CSGALNACT1: variants seen among roughly 807,000 people sequenced by gnomAD.
CSGALNACT1 encodes beta4GalNAcT-1.
Under a neutral mutation model 51.0 loss-of-function variants are expected in CSGALNACT1, and 52 were observed. That is an observed-to-expected ratio of 1.02 (90% CI 0.82 to 1.29). The LOEUF is 1.29. Ranked by LOEUF, CSGALNACT1 falls within the 50% of genes most tolerant of loss-of-function variation. The pLI is 0.00. For missense variants in CSGALNACT1, 935 were observed against 679.2 expected (o/e 1.38, Z -4.19); for synonymous variants, 341 against 254.4 (o/e 1.34, Z -3.24).
chr8:19,433,278 T>C (rs530799005), intron 6 of CSGALNACT1, among the ~76,000 whole-genome samples: 2 of 152,328 alleles, frequency 1.3e-5, no homozygotes, highest in African/African-American at 2.4e-5. Context: ...AGGCAATCAA[T>C]GCCTTATTTA....
At chr8:19,590,665 T>C (rs1029044334) in intron 3 of CSGALNACT1, among the ~76,000 whole-genome samples, 2 of 145,174 alleles carry the variant, frequency 1.4e-5, no homozygotes, top group African/African-American at 2.6e-5. Flanking sequence ...TTTTTTTTTT[T>C]TGGAGATGGA....
At chr8:19,543,412 A>G (rs1019776824) in intron 3 of CSGALNACT1, among the ~76,000 whole-genome samples, 1 of 152,220 alleles carries the variant, frequency 6.6e-6, no homozygotes, top group Non-Finnish European at 1.5e-5. Context: ...AAAGTTCTCT[A>G]TACGTATGTG....
intron 3 of CSGALNACT1, among the ~76,000 whole-genome samples, chr8:19,532,267 T>C (rs1402678061): frequency 6.6e-6 from 1 of 152,166 alleles, no homozygotes. Flanking sequence ...CCATGGCTTC[T>C]TTATCCAAGC....
intron 1 of CSGALNACT1, among the ~76,000 whole-genome samples, chr8:19,609,104 T>C (rs1368273614): frequency 6.6e-6 from 1 of 151,774 alleles, no homozygotes; most frequent in Non-Finnish European, 1.5e-5. Flanking sequence ...ACCATGAAAA[T>C]GAAAACTTTG....
intron 3 of CSGALNACT1, among the ~76,000 whole-genome samples, chr8:19,568,930 C>A (rs901756713): frequency 1.3e-5 from 2 of 152,152 alleles, no homozygotes; most frequent in South Asian, 2.1e-4. Flanking sequence ...AAGGCTAATT[C>A]CTTGTAGCTA....
intron 3 of CSGALNACT1, among the ~76,000 whole-genome samples, chr8:19,520,810 ATAT>A (rs781461945): frequency 6.6e-6 from 1 of 152,126 alleles, no homozygotes; most frequent in African/African-American, 2.4e-5. Context: ...GGTTCTGTTA[ATAT>A]TATAACCATT....
chr8:19,505,589 G>C (rs943436462), exon 4 of CSGALNACT1: 4 of 1,613,870 alleles, frequency 2.5e-6, no homozygotes, highest in African/African-American at 2.7e-5. Context: ...GCTCCTCCTT[G>C]AGCTGTGCGA....
At chr8:19,720,511 A>G (rs572046090) in intron 1 of CSGALNACT1, among the ~76,000 whole-genome samples, 6 of 152,212 alleles carry the variant, frequency 3.9e-5, no homozygotes, top group African/African-American at 1.4e-4. Context: ...CTGGAGAGAC[A>G]CTGTTCAATC....
chr8:19,608,108 C>G (rs12542189), intron 1 of CSGALNACT1, among the ~76,000 whole-genome samples: 1 of 151,984 alleles, frequency 6.6e-6, no homozygotes, highest in African/African-American at 2.4e-5. Flanking sequence ...TGTCACCTCT[C>G]ATTGTGGCCT....
intron 6 of CSGALNACT1, among the ~76,000 whole-genome samples, chr8:19,438,522 G>T (rs1053871853): frequency 6.6e-6 from 1 of 152,176 alleles, no homozygotes; most frequent in South Asian, 2.1e-4. Context: ...ATAGCTTTAA[G>T]TTGTTGCTGG....
At chr8:19,682,956 G>A (rs556758603), upstream of CSGALNACT1, 8 of 304,174 alleles carry the variant, frequency 2.6e-5, no homozygotes, top group South Asian at 5.7e-5. Context: ...AGTTCACTTC[G>A]CTGCAGTCCT....
chr8:19,752,141 GA>G (rs368224690), intron 1 of CSGALNACT1, among the ~76,000 whole-genome samples: 3 of 48,710 alleles, frequency 6.2e-5, no homozygotes, highest in African/African-American at 1.1e-4. Flanking sequence ...TATATTATAT[GA>G]TATTATATGA....
chr8:19,461,377 G>C (rs899762230), intron 4 of CSGALNACT1, among the ~76,000 whole-genome samples: 3 of 152,072 alleles, frequency 2.0e-5, no homozygotes, highest in African/African-American at 7.2e-5. Flanking sequence ...AAATGAGGTG[G>C]GGCTGAGTCT....
At position 19,600,843 on chromosome 8, in the gene CSGALNACT1, G is replaced by T. The variant is rs187698756; in HGVS notation, c.-416+928C>A. 5.4e-4 allele frequency among the ~76,000 whole-genome samples: 78 copies of T among 144,982 alleles called. No homozygotes were observed. In the East Asian group the frequency reaches 0.014, roughly 25 times the overall value. Reference sequence around the variant, plus strand: ...AAAAGTTTTTGGAAAAAAAAAAAAAGCAAAACCATCAAGCAAACCTCTATA... The same window carrying T: ...AAAAGTTTTTGGAAAAAAAAAAAAATCAAAACCATCAAGCAAACCTCTATA... On this transcript the variant is annotated intron_variant, in intron 2 of 9. Coordinates refer to ENST00000454498, the Ensembl canonical transcript of CSGALNACT1.
chr8:19,570,668 G>A (rs776177585), intron 3 of CSGALNACT1, among the ~76,000 whole-genome samples: 6 of 152,264 alleles, frequency 3.9e-5, no homozygotes, highest in East Asian at 1.9e-4. Flanking sequence ...TTGGGAGGCC[G>A]AAGTGGGCAG....
At chr8:19,416,941 C>T (rs2057004740) in intron 8 of CSGALNACT1, among the ~76,000 whole-genome samples, 1 of 151,984 alleles carries the variant, frequency 6.6e-6, no homozygotes, top group African/African-American at 2.4e-5. Flanking sequence ...CAGCTCACTA[C>T]AGCCTCTGCC....
At chr8:19,677,882 C>G (rs972156715) in intron 1 of CSGALNACT1, among the ~76,000 whole-genome samples, 1 of 152,040 alleles carries the variant, frequency 6.6e-6, no homozygotes, top group Non-Finnish European at 1.5e-5. Context: ...TTCAAATTGT[C>G]TGAAAAACAA....
chr8:19,469,091 A>T (rs1330852751), intron 4 of CSGALNACT1, among the ~76,000 whole-genome samples: 1 of 152,134 alleles, frequency 6.6e-6, no homozygotes, highest in Admixed American at 6.5e-5. Context: ...TAAGATAAGG[A>T]TGAAATTGGC....
intron 3 of CSGALNACT1, among the ~76,000 whole-genome samples, chr8:19,509,159 T>G (rs1410644031): frequency 6.6e-6 from 1 of 152,242 alleles, no homozygotes; most frequent in Non-Finnish European, 1.5e-5. Flanking sequence ...AAAATATCTC[T>G]GAACCGTTCC....
Sources: allele counts gnomAD v4.1 joint callset (sites outside exome capture counted in the v4.1 genomes callset), GRCh38; gene constraint gnomAD v4.1.1; transcripts MANE v1.5; gene names NCBI Gene and HGNC (gene_info 2026-07-23, HGNC 2026-07-21).